The following DMD variants were observed in gnomAD, a reference collection of about 807,000 sequenced individuals.
The protein encoded by DMD is mutant dystrophin.
Under a neutral mutation model 330.1 loss-of-function variants are expected in DMD, and 63 were observed. The ratio of observed to expected loss-of-function variants is 0.19; its 90% confidence interval spans 0.16 to 0.24. The LOEUF (loss-of-function observed/expected upper bound fraction) is 0.24. DMD is among the 10% of genes least tolerant of loss of function. DMD has a pLI of 1.00. For missense variants in DMD, 3,344 were observed against 2,684.1 expected, an observed-to-expected ratio of 1.25 and a Z score of -5.43; for synonymous variants, 1,223 against 959.8, an observed-to-expected ratio of 1.27 and a Z score of -5.07.
chrX:32,620,201 C>T (rs1047002812), intron 11 of DMD, among the ~76,000 whole-genome samples: 4 of 111,949 alleles, frequency 3.6e-5, no homozygotes, highest in African/African-American at 1.3e-4. Flanking sequence ...AAAATTCCAT[C>T]AGCATCTTTA....
intron 12 of DMD, among the ~76,000 whole-genome samples, chrX:32,606,124 T>C (rs1253573112): frequency 9.1e-6 from 1 of 110,451 alleles, no homozygotes; most frequent in Non-Finnish European, 1.9e-5. Flanking sequence ...ATTATGTCTT[T>C]TCATTCTTTC....
intron 44 of DMD, among the ~76,000 whole-genome samples, chrX:32,190,767 G>A (rs901213297): frequency 7.4e-5 from 8 of 108,426 alleles, no homozygotes; most frequent in Non-Finnish European, 1.1e-4. Flanking sequence ...TTTTACATCC[G>A]TGTTAAAGAT....
chrX:31,645,817 A>C lies in DMD; in HGVS notation c.8027+12173T>G, dbSNP rs758569143. Reference sequence around the variant, plus strand: ...ATAAATACACATACTTTGTTGATTCACCAAGCATGCACTGTAATAAGGGTC... The same window carrying C: ...ATAAATACACATACTTTGTTGATTCCCCAAGCATGCACTGTAATAAGGGTC... On this transcript the variant is annotated intron_variant, in intron 54 of 78. Coordinates refer to ENST00000357033, the MANE Select transcript of DMD (RefSeq NM_004006.3). 1.2e-4 allele frequency among the ~76,000 whole-genome samples: 13 copies of C among 112,060 alleles called. 1 individual carries two copies. Among genetic ancestry groups the C allele is most frequent in the Non-Finnish European group, 2.1e-4 (11 of 53,147 alleles).
intron 67 of DMD, among the ~76,000 whole-genome samples, chrX:31,201,203 A>C (rs970861779): frequency 9.3e-6 from 1 of 107,505 alleles, no homozygotes; most frequent in African/African-American, 3.4e-5. Flanking sequence ...ACACACGCAC[A>C]CACACACACA....
chrX:32,506,713 A>G (rs1251648904), intron 18 of DMD, among the ~76,000 whole-genome samples: 1 of 111,586 alleles, frequency 9.0e-6, no homozygotes, highest in African/African-American at 3.3e-5. Context: ...AAAATTTCAA[A>G]GCACCCAGTT....
intron 30 of DMD, among the ~76,000 whole-genome samples, chrX:32,410,458 C>G (rs970114431): frequency 8.9e-6 from 1 of 111,839 alleles, no homozygotes. Context: ...TATACTGTTG[C>G]CCAGAACACC....
chrX:31,425,626 TAAG>T (rs1392033742), intron 60 of DMD, among the ~76,000 whole-genome samples: 1 of 110,114 alleles, frequency 9.1e-6, no homozygotes, highest in Non-Finnish European at 1.9e-5. Flanking sequence ...AGTTGACACA[TAAG>T]AAGAAATTTG....
intron 47 of DMD, among the ~76,000 whole-genome samples, chrX:31,902,477 A>T (rs773249914): frequency 8.9e-6 from 1 of 111,938 alleles, no homozygotes; most frequent in Admixed American, 9.5e-5. Flanking sequence ...AATGTATAGG[A>T]AATACTGTGC....
intron 16 of DMD, among the ~76,000 whole-genome samples, chrX:32,550,076 G>C (rs1296334150): frequency 9.0e-6 from 1 of 111,638 alleles, no homozygotes; most frequent in East Asian, 2.8e-4. Flanking sequence ...AGATGGTACA[G>C]ACTACTATAC....
At chrX:32,424,799 A>AC (rs1305843821) in intron 29 of DMD, among the ~76,000 whole-genome samples, 1 of 110,879 alleles carries the variant, frequency 9.0e-6, no homozygotes, top group African/African-American at 3.3e-5. Context: ...TTGTAAAAAA[A>AC]AAAAAAAAAA....
chrX:32,441,624 T>C (rs1052811033), intron 27 of DMD, among the ~76,000 whole-genome samples: 2 of 111,486 alleles, frequency 1.8e-5, no homozygotes, highest in African/African-American at 6.5e-5. Flanking sequence ...TATGTAAAAA[T>C]GCATATGTAA....
intron 60 of DMD, among the ~76,000 whole-genome samples, chrX:31,405,565 C>A (rs1018688874): frequency 9.0e-6 from 1 of 110,916 alleles, no homozygotes; most frequent in Non-Finnish European, 1.9e-5. Context: ...CAAAAAAAAG[C>A]GAGCATAAGT....
At chrX:31,203,538 A>T (rs1326826963) in intron 67 of DMD, among the ~76,000 whole-genome samples, 2 of 22,979 alleles carry the variant, frequency 8.7e-5, no homozygotes, top group Non-Finnish European at 1.1e-4. Context: ...GGACAGTTTT[A>T]AAAAAAAGGA....
chrX:31,503,281 G>T (rs768244026), intron 56 of DMD, among the ~76,000 whole-genome samples: 12 of 112,107 alleles, frequency 1.1e-4, no homozygotes, highest in Non-Finnish European at 2.1e-4. Flanking sequence ...AGAACTAAAA[G>T]AATAAAATTG....
At chrX:32,984,017 C>T (rs1310738367) in intron 2 of DMD, among the ~76,000 whole-genome samples, 1 of 111,385 alleles carries the variant, frequency 9.0e-6, no homozygotes, top group African/African-American at 3.3e-5. Context: ...AAGCTATGTC[C>T]TTTACCGTTT....
At chrX:31,351,159 T>TATACACACAC (rs1556545835) in intron 60 of DMD, among the ~76,000 whole-genome samples, 2 of 105,093 alleles carry the variant, frequency 1.9e-5, no homozygotes, top group African/African-American at 7.0e-5. Flanking sequence ...CATACATATA[T>TATACACACAC]ACACACACAC....
At chrX:32,599,554 AT>A (rs2055949419) in intron 12 of DMD, among the ~76,000 whole-genome samples, 1 of 112,296 alleles carries the variant, frequency 8.9e-6, no homozygotes, top group African/African-American at 3.2e-5. Context: ...TTTATATTGG[AT>A]TTGCTAATTA....
chrX:32,005,653 G>A (rs1367244494), intron 44 of DMD, among the ~76,000 whole-genome samples: 1 of 110,437 alleles, frequency 9.1e-6, no homozygotes, highest in Non-Finnish European at 1.9e-5. Context: ...AAGAGCTGGG[G>A]TATAAAGATA....
At chrX:32,252,850 AAATATATATAAATATAT>A (rs2097279387) in intron 43 of DMD, among the ~76,000 whole-genome samples, 2 of 73,756 alleles carry the variant, frequency 2.7e-5, no homozygotes, top group Admixed American at 4.2e-4. Context: ...ATAAATATAT[AAATATATATAAATATAT>A]AAATATATAA....
Sources: allele counts gnomAD v4.1 joint callset (sites outside exome capture counted in the v4.1 genomes callset), GRCh38; gene constraint gnomAD v4.1.1; transcripts MANE v1.5; gene names NCBI Gene and HGNC (gene_info 2026-07-23, HGNC 2026-07-21).